Variants in TMEM67 observed in about 807,000 individuals in gnomAD.
TMEM67 encodes transmembrane protein 67, also known as meckelin.
TMEM67 carries 124 observed loss-of-function variants against 136.6 expected under a neutral mutation model. The observed-to-expected ratio is 0.91, with a 90% confidence interval of 0.78 to 1.05. The LOEUF (loss-of-function observed/expected upper bound fraction) is 1.05. Ranked by LOEUF, TMEM67 falls within the 50% of genes least tolerant of loss-of-function variation. The probability of loss-of-function intolerance (pLI) is 0.00; values close to 1 mark genes in which losing one functional copy is unlikely to be tolerated. For synonymous variants in TMEM67, 364 were observed against 390.5 expected (o/e 0.93, Z 0.80); for missense variants, 1,107 against 1,178.4 (o/e 0.94, Z 0.89).
intron 6 of TMEM67, among the ~76,000 whole-genome samples, chr8:93,768,334 G>A (rs1169990601): frequency 6.6e-6 from 1 of 152,038 alleles, no homozygotes; most frequent in Non-Finnish European, 1.5e-5. Flanking sequence ...TAAAAGGGCT[G>A]GGCGTGGTGG....
chr8:93,804,481 A>ATTT (rs59657661), intron 22 of TMEM67, among the ~76,000 whole-genome samples: 32 of 87,138 alleles, frequency 3.7e-4, no homozygotes, highest in Non-Finnish European at 4.2e-4. Flanking sequence ...ACACTCAGCT[A>ATTT]TTTTTTTTTT....
At chr8:93,766,539 A>G (rs1331508487) in intron 6 of TMEM67, among the ~76,000 whole-genome samples, 1 of 152,232 alleles carries the variant, frequency 6.6e-6, no homozygotes, top group Non-Finnish European at 1.5e-5. Context: ...TTGGAACTAA[A>G]GAGGTAACAA....
intron 7 of TMEM67, among the ~76,000 whole-genome samples, chr8:93,776,148 T>C (rs1813532570): frequency 6.6e-6 from 1 of 152,214 alleles, no homozygotes; most frequent in Non-Finnish European, 1.5e-5. Flanking sequence ...GATTTGGCTC[T>C]CTTTTTGTCT....
At position 93,799,690 on chromosome 8, in the gene TMEM67, G is replaced by C; in HGVS notation, c.2173G>C (p.Ala725Pro). 1 of 1,613,638 alleles carries C rather than the reference G, an allele frequency of 6.2e-7. No homozygotes were observed. Among genetic ancestry groups the C allele is most frequent in the East Asian group, 2.2e-5 (1 of 44,844 alleles). Residue 725 changes from alanine to proline, a missense_variant, in exon 21 of 28, where the codon GCT becomes CCT. Ala to Pro is a conservative substitution (Grantham distance 27). Coordinates refer to ENST00000453321, the MANE Select transcript of TMEM67 (RefSeq NM_153704.6). The part of the protein sequence containing the change: ...SLSRNPPSYI[A>P]PYSCILRYAV... ...TTCTAGAAACCCACCTAGCTACATA[G>C]CTCCTTATAGCTGCATTTTGAGATA...
At chr8:93,826,763 G>C in the TMEM67 span, among the ~76,000 whole-genome samples, 1 of 152,222 alleles carries the variant, frequency 6.6e-6, no homozygotes, top group Admixed American at 6.5e-5. Context: ...ATGTTAATTA[G>C]AGCCCACTTG....
intron 11 of TMEM67, among the ~76,000 whole-genome samples, chr8:93,783,288 G>C (rs574901692): frequency 1.3e-5 from 2 of 152,148 alleles, no homozygotes; most frequent in African/African-American, 2.4e-5. Context: ...GTCCGGCCTA[G>C]AGTCTTAAAC....
Position 93,755,104 on chromosome 8 carries a change from C to T in TMEM67, c.190C>T (p.Pro64Ser), listed in dbSNP as rs375493644. The T allele has an allele frequency of 1.2e-6, 2 of 1,614,054 alleles. No homozygotes were observed. The highest frequency in any genetic ancestry group is 2.2e-5 in the East Asian group (1 of 44,904). The change falls in exon 1 of 28, where the codon CCT (proline) becomes TCT (serine). Residue 64 changes from proline to serine, a missense_variant. By Grantham distance (74) the Pro-to-Ser change is moderately conservative (BLOSUM62 -1). Transcript: ENST00000453321. Reference sequence around the variant, plus strand: ...TGATATCTCCGCCCTCTCGTGTGTTCCTTGTGGAGCTAACCAGAGGCAAGA... The same window carrying T: ...TGATATCTCCGCCCTCTCGTGTGTTTCTTGTGGAGCTAACCAGAGGCAAGA... ...YFDISALSCVPCGANQRQDAR... is the reference protein window; with the variant it reads ...YFDISALSCVSCGANQRQDAR...
At chr8:93,783,194 C>G (rs1813927006) in intron 11 of TMEM67, among the ~76,000 whole-genome samples, 1 of 152,140 alleles carries the variant, frequency 6.6e-6, no homozygotes, top group African/African-American at 2.4e-5. Flanking sequence ...CTGTGTTGAC[C>G]ACGCTTGTCT....
intron 23 of TMEM67, among the ~76,000 whole-genome samples, chr8:93,806,146 T>C (rs149448266): frequency 4.6e-5 from 7 of 152,216 alleles, no homozygotes; most frequent in African/African-American, 1.7e-4. Flanking sequence ...TCCAGACAAA[T>C]CAATGACATG....
chr8:93,793,022 C>T (rs1249859632), intron 15 of TMEM67, among the ~76,000 whole-genome samples, 176 bp from the exon 16 acceptor site: 2 of 151,882 alleles, frequency 1.3e-5, no homozygotes, highest in African/African-American at 2.4e-5. Flanking sequence ...CCGCCTGCCT[C>T]GGCCTCCCAA....
rs372636339 is a variant in TMEM67, at chr8:93,755,878, T to G, written c.312+12T>G. 1.3e-6 allele frequency: 2 copies of G among 1,496,654 alleles called. No individual in the cohort carries two copies. Among genetic ancestry groups the G allele is most frequent in the Non-Finnish European group, 1.8e-6 (2 of 1,081,182 alleles). 92.7% of individuals were successfully genotyped at this position (1,496,654 alleles called of 1,614,324 possible). On this transcript the variant is annotated intron_variant, in intron 2 of 27. Transcript: ENST00000453321. ...GCCCAGAAAACATGGTGCGCATAAT[T>G]TATTTTAAAATAACTTACCTGTAAA...
chr8:93,767,111 A>T (rs893296505), intron 6 of TMEM67, among the ~76,000 whole-genome samples: 2 of 152,204 alleles, frequency 1.3e-5, no homozygotes, highest in African/African-American at 4.8e-5. Context: ...CCGATCTGGA[A>T]CTAGGTCCTC....
the TMEM67 span, among the ~76,000 whole-genome samples, chr8:93,830,116 T>C: frequency 6.6e-6 from 1 of 152,186 alleles, no homozygotes; most frequent in South Asian, 2.1e-4. Context: ...CATTAGATCA[T>C]ATCCCTTTGT....
chr8:93,816,677 T>G lies in TMEM67; in HGVS notation c.*225T>G, dbSNP rs1448422847. 6.3e-6 allele frequency: 2 copies of G among 316,808 alleles called. No individual in the cohort carries two copies. Among genetic ancestry groups the G allele is most frequent in the Non-Finnish European group, 1.2e-5 (2 of 170,556 alleles). The allele number at this position is 316,808 out of a possible 1,614,324, so 19.6% of individuals were successfully genotyped here. A position where few individuals can be genotyped will look rare whatever the true frequency, so the allele number is the denominator to read the frequency against. ...AGTATTTAATGCAGTAAATAATAAA[T>G]TAATACTGACAGTGAGGCCAAAAAA... On this transcript the variant is annotated 3_prime_UTR_variant, in exon 28 of 28. Coordinates refer to ENST00000453321, the MANE Select transcript of TMEM67 (RefSeq NM_153704.6).
intron 9 of TMEM67, among the ~76,000 whole-genome samples, chr8:93,781,254 G>A (rs892053554): frequency 3.3e-5 from 5 of 152,266 alleles, no homozygotes; most frequent in African/African-American, 1.2e-4. Flanking sequence ...AAAAATCTCT[G>A]TCCTGTTTTT....
chr8:93,799,915 T>C (rs2130745079), intron 21 of TMEM67, among the ~76,000 whole-genome samples, 157 bp downstream of exon 21: 1 of 150,084 alleles, frequency 6.7e-6, no homozygotes, highest in Non-Finnish European at 1.5e-5. Context: ...TTTTTTTTTT[T>C]TTTTTTTTTT....
chr8:93,790,769 G>C (rs1814340258), intron 14 of TMEM67, among the ~76,000 whole-genome samples: 2 of 152,086 alleles, frequency 1.3e-5, no homozygotes, highest in Non-Finnish European at 2.9e-5. Flanking sequence ...TCCCTATTCT[G>C]TGACCATGGT....
downstream of TMEM67, among the ~76,000 whole-genome samples, chr8:93,823,900 AG>A (rs1809075519): frequency 6.7e-6 from 1 of 150,354 alleles, no homozygotes; most frequent in African/African-American, 2.5e-5. Context: ...CATTTTTTAG[AG>A]CCTCTCTCAA....
At chr8:93,758,389 G>A (rs1217880599) in intron 2 of TMEM67, 94 bp from the exon 3 acceptor site, 6 of 883,724 alleles carry the variant, frequency 6.8e-6, no homozygotes, top group Non-Finnish European at 1.1e-5. Flanking sequence ...AATATTCACT[G>A]TAGTTACATA....
Sources: allele counts gnomAD v4.1 joint callset (sites outside exome capture counted in the v4.1 genomes callset), GRCh38; gene constraint gnomAD v4.1.1; transcripts MANE v1.5; gene names NCBI Gene and HGNC (gene_info 2026-07-23, HGNC 2026-07-21).